The following CSPP1 variants were observed in gnomAD, a reference collection of about 807,000 sequenced individuals.
CSPP1 encodes the protein centrosome and spindle pole associated protein 1.
Under a neutral mutation model 164.4 loss-of-function variants are expected in CSPP1, and 126 were observed. That is an observed-to-expected ratio of 0.77 (90% confidence interval 0.66 to 0.89). The LOEUF (loss-of-function observed/expected upper bound fraction) is 0.89, where lower values mean the gene tolerates loss of function less well. Among genes scored for constraint, CSPP1 ranks in the 40% least tolerant of loss-of-function variants. The pLI is 0.00. For synonymous variants in CSPP1, 472 were observed against 476.7 expected (o/e 0.99, Z 0.13); for missense variants, 1,395 against 1,449.8 (o/e 0.96, Z 0.61).
chr8:67,131,363 G>A (rs1298466709), intron 15 of CSPP1, among the ~76,000 whole-genome samples: 1 of 152,026 alleles, frequency 6.6e-6, no homozygotes, highest in Admixed American at 6.6e-5. Context: ...CTCCAGCCTG[G>A]GTGACGAAGT....
At chr8:67,184,744 T>TAATA (rs1554621539) in intron 28 of CSPP1, among the ~76,000 whole-genome samples, 2,678 of 142,480 alleles carry the variant, frequency 0.019, 58 homozygotes, top group African/African-American at 0.032. Context: ...AATAAAAAAA[T>TAATA]ATAATAATAA....
At chr8:67,094,570 C>T (rs1812334743) in intron 6 of CSPP1, among the ~76,000 whole-genome samples, 2 of 151,902 alleles carry the variant, frequency 1.3e-5, no homozygotes, top group Admixed American at 1.3e-4. Flanking sequence ...CCAGGCCCTG[C>T]CACAGAAAGG....
At chr8:67,178,258 T>C (rs1287670741) in intron 27 of CSPP1, among the ~76,000 whole-genome samples, 1 of 152,136 alleles carries the variant, frequency 6.6e-6, no homozygotes, top group African/African-American at 2.4e-5. Flanking sequence ...GAAGTAGTGT[T>C]GAGGTCTACA....
At chr8:67,180,001 T>G in intron 28 of CSPP1, 75 bp downstream of exon 28, 1 of 784,096 alleles carries the variant, frequency 1.3e-6, no homozygotes, top group Non-Finnish European at 2.1e-6. Flanking sequence ...ACCAGTACTG[T>G]ATTCCTTGTT....
At chr8:67,182,579 G>A (rs925722885) in intron 28 of CSPP1, among the ~76,000 whole-genome samples, 4 of 152,216 alleles carry the variant, frequency 2.6e-5, no homozygotes, top group African/African-American at 4.8e-5. Flanking sequence ...TTCCACAGCA[G>A]CTGTACCATT....
Position 67,088,297 on chromosome 8 carries a change from T to G in CSPP1, c.303+2187T>G, listed in dbSNP as rs184962309. On this transcript the variant is annotated intron_variant, in intron 4 of 30. Coordinates refer to ENST00000678616, the MANE Select transcript of CSPP1 (RefSeq NM_001382391.1). ...TAAGATTTTTTTGTTTGTTTTTTGG[T>G]TTTTTTTTGAGACAGAGTCTTGCTC... Among the ~76,000 whole-genome samples, 147 of 150,704 alleles carry G rather than the reference T, an allele frequency of 9.8e-4. 2 individuals are homozygous for G. In the East Asian group the frequency reaches 0.015, roughly 15 times the overall value.
intron 15 of CSPP1, among the ~76,000 whole-genome samples, chr8:67,129,426 A>C (rs1462080665): frequency 1.3e-5 from 2 of 152,192 alleles, no homozygotes; most frequent in African/African-American, 2.4e-5. Flanking sequence ...AGAATTACTG[A>C]TTACAAAATC....
Position 67,095,293 on chromosome 8 carries a change from C to T in CSPP1, c.484C>T (p.Pro162Ser). Residue 162 changes from proline to serine, a missense_variant and splice_region_variant, in exon 7 of 31, where the codon CCC becomes TCC. Transcript: ENST00000678616. ...KFRQVEKSTEPKSQRNKKPIG... is the reference protein window; with the variant it reads ...KFRQVEKSTESKSQRNKKPIG... ...TCTTTTTTCTTTTTTAATTGAACAG[C>T]CCAAGAGTCAGAGAAATAAAAAACC... 1 of 1,552,358 alleles carries T rather than the reference C, an allele frequency of 6.4e-7. No individual in the cohort carries two copies. Among genetic ancestry groups the T allele is most frequent in the South Asian group, 1.2e-5 (1 of 80,452 alleles).
At chr8:67,094,164 G>A (rs1586017097) in intron 6 of CSPP1, among the ~76,000 whole-genome samples, 1 of 148,172 alleles carries the variant, frequency 6.7e-6, no homozygotes, top group East Asian at 1.9e-4. Flanking sequence ...GATGTATCTG[G>A]GGCCAAAACA....
chr8:67,170,743 T>C (rs1830304461), intron 24 of CSPP1, among the ~76,000 whole-genome samples: 1 of 152,154 alleles, frequency 6.6e-6, no homozygotes, highest in African/African-American at 2.4e-5. Context: ...ATATGCTATA[T>C]TTTAAGGTAA....
At chr8:67,184,943 C>CAAAAAAAAAA (rs796384901) in intron 28 of CSPP1, among the ~76,000 whole-genome samples, 21 of 56,012 alleles carry the variant, frequency 3.7e-4, no homozygotes, top group East Asian at 2.1e-3. Flanking sequence ...ACTAAAAATA[C>CAAAAAAAAAA]AAAAAAAAAA....
chr8:67,177,937 G>A (rs1484785462), intron 27 of CSPP1, among the ~76,000 whole-genome samples: 2 of 152,130 alleles, frequency 1.3e-5, no homozygotes, highest in African/African-American at 4.8e-5. Flanking sequence ...CTAGCACTAG[G>A]CTGTTCCAGT....
At chr8:67,158,624 AC>A (rs1324150616) in intron 20 of CSPP1, 28 bp downstream of exon 20, 1 of 1,550,276 alleles carries the variant, frequency 6.5e-7, no homozygotes, top group Admixed American at 2.1e-5. Context: ...ATTGTATTTT[AC>A]TACTTAGTCT....
In CSPP1 at chr8:67,064,493, CTGAG is replaced by C. The variant is rs1563460197; in HGVS notation, c.-54_-51del. 11 of 1,613,634 alleles carry C rather than the reference CTGAG, an allele frequency of 6.8e-6. No homozygotes were observed. The highest frequency in any genetic ancestry group is 1.7e-5 in the Admixed American group (1 of 59,988). ...TCTCCCCGGACGCGAGCCCGCTCCCCTGAGTAAGAGTCAGCCAGCCGCGGATGGG... is the reference window on the plus strand; with the variant it reads ...TCTCCCCGGACGCGAGCCCGCTCCCCTAAGAGTCAGCCAGCCGCGGATGGG... On this transcript the variant is annotated 5_prime_UTR_variant, in exon 1 of 31. The change abolishes the stop of an existing upstream ORF in the 5' untranslated region. Coordinates refer to ENST00000678616, the MANE Select transcript of CSPP1 (RefSeq NM_001382391.1).
At chr8:67,113,885 A>G in intron 11 of CSPP1, 23 bp downstream of exon 11, 5 of 1,461,952 alleles carry the variant, frequency 3.4e-6, no homozygotes, top group Non-Finnish European at 4.8e-6. Flanking sequence ...GGCATCTTTT[A>G]ATGTTTAATC....
chr8:67,071,659 G>A (rs1403632325), intron 1 of CSPP1, among the ~76,000 whole-genome samples: 2 of 152,080 alleles, frequency 1.3e-5, no homozygotes, highest in Non-Finnish European at 2.9e-5. Flanking sequence ...ACTTACTTCT[G>A]TCCAAGATTC....
intron 28 of CSPP1, among the ~76,000 whole-genome samples, chr8:67,186,732 T>C (rs1472451978): frequency 6.6e-6 from 1 of 152,166 alleles, no homozygotes; most frequent in Non-Finnish European, 1.5e-5. Context: ...GAAATAGAAT[T>C]GTTTTTCTTC....
chr8:67,188,666 C>T (rs960738182), intron 28 of CSPP1, among the ~76,000 whole-genome samples: 1 of 152,152 alleles, frequency 6.6e-6, no homozygotes, highest in Non-Finnish European at 1.5e-5. Flanking sequence ...TCCACCAGTG[C>T]TGTTTGCCGC....
chr8:67,146,122 C>CT (rs939978795), intron 17 of CSPP1, among the ~76,000 whole-genome samples: 10,853 of 125,116 alleles, frequency 0.087, 925 homozygotes, highest in African/African-American at 0.21. Flanking sequence ...ATATACTTTT[C>CT]TTTTTTTTTT....
Sources: gnomAD v4.1 joint callset for allele counts (sites outside exome capture counted in the v4.1 genomes callset) on GRCh38, gnomAD v4.1.1 for gene constraint, MANE v1.5 for transcripts, NCBI Gene and HGNC (gene_info 2026-07-23, HGNC 2026-07-21) for gene names.